Variants in NFKB2 observed in about 807,000 individuals in gnomAD.
NFKB2 encodes nuclear factor kappa B subunit 2.
Under a neutral mutation model 109.3 loss-of-function variants are expected in NFKB2, and 21 were observed. The observed-to-expected ratio is 0.19, with a 90% confidence interval of 0.14 to 0.28. The LOEUF (loss-of-function observed/expected upper bound fraction) is 0.28, where lower values mean the gene tolerates loss of function less well. Among genes scored for constraint, NFKB2 ranks in the 10% least tolerant of loss-of-function variants. The probability of loss-of-function intolerance (pLI) is 1.00; values close to 1 mark genes in which losing one functional copy is unlikely to be tolerated. For synonymous variants in NFKB2, 478 were observed against 489.9 expected, an observed-to-expected ratio of 0.98 and a Z score of 0.32; for missense variants, 806 against 1,185.3, an observed-to-expected ratio of 0.68 and a Z score of 4.70.
Position 102,400,889 on chromosome 10 carries a change from G to C in NFKB2, c.1969-58G>C, listed in dbSNP as rs1028873745. 4.4e-6 allele frequency: 7 copies of C among 1,583,008 alleles called. No individual in the cohort carries two copies. The African/African-American group carries it at 5.4e-5, about 12-fold the overall frequency. On this transcript the variant is annotated intron_variant, in intron 17 of 22. Coordinates refer to ENST00000661543, the MANE Select transcript of NFKB2 (RefSeq NM_001322934.2). The surrounding 1 kb of genome is among the most constrained non-coding windows in gnomAD (Gnocchi z 6.3). ...GTGGAGGGGCCAAAGATGGTGAAGG[G>C]GGGGGCTGGCCAAGGGGACCATGCT...
In NFKB2 at chr10:102,396,002, T is replaced by G. The variant is rs200305301; in HGVS notation, c.21+22T>G. 1.2e-4 allele frequency: 192 copies of G among 1,611,916 alleles called. No homozygotes were observed. The highest frequency in any genetic ancestry group is 1.6e-4 in the Non-Finnish European group (184 of 1,179,958). ...CCCAGTGAGTCATGCCGCCTGCCCC[T>G]GACCCGGCCGGCTGCCCCTCGTGTC... On this transcript the variant is annotated intron_variant, in intron 2 of 22. Transcript: ENST00000661543. This position sits in a 1 kb window ranked among gnomAD's most constrained non-coding sequence, Gnocchi z 5.9.
rs1467675377 is a variant in NFKB2 at position 102,396,235 on chromosome 10, A to G, written c.22-18A>G. ...GTGCTGAGAGTCGGATGCCACCCCC[A>G]GTCTGTCTCCAAACCAGGGTCTGGA... On this transcript the variant is annotated intron_variant, in intron 2 of 22. Coordinates refer to ENST00000661543, the MANE Select transcript of NFKB2 (RefSeq NM_001322934.2). This position sits in a 1 kb window ranked among gnomAD's most constrained non-coding sequence, Gnocchi z 5.9. 1 of 1,597,950 alleles carries G rather than the reference A, an allele frequency of 6.3e-7. No homozygotes were observed. Among genetic ancestry groups the G allele is most frequent in the African/African-American group, 1.3e-5 (1 of 74,670 alleles).
At position 102,400,738 on chromosome 10, in the gene NFKB2, G is replaced by T. The variant is rs778148267; in HGVS notation, c.1882G>T (p.Ala628Ser). ...GGTGGACAGTGGGGCTGAAGTGGAG[G>T]CCACAGAGCGGCAGGGGGGACGAAC... ...LLVDSGAEVEATERQGGRTAL... is the reference protein window; with the variant it reads ...LLVDSGAEVESTERQGGRTAL... Residue 628 changes from alanine to serine, a missense_variant, in exon 17 of 23, where the codon GCC (alanine) becomes TCC (serine). Coordinates refer to ENST00000661543, the MANE Select transcript of NFKB2 (RefSeq NM_001322934.2). This position sits in a 1 kb window ranked among gnomAD's most constrained non-coding sequence, Gnocchi z 6.3. 4.3e-6 allele frequency: 7 copies of T among 1,613,840 alleles called. No homozygotes were observed. Among genetic ancestry groups the T allele is most frequent in the Non-Finnish European group, 5.1e-6 (6 of 1,179,872 alleles).
upstream of NFKB2, chr10:102,394,327 G>A (rs1448511218): frequency 6.6e-6 from 1 of 152,284 alleles, no homozygotes; most frequent in Non-Finnish European, 1.5e-5. Context: ...CGCGCCTGGT[G>A]TCCTGTCACC....
chr10:102,396,499 C>A lies in NFKB2; in HGVS notation c.144+10C>A. 1 of 1,613,804 alleles carries A rather than the reference C, an allele frequency of 6.2e-7. No individual in the cohort carries two copies. The highest frequency in any genetic ancestry group is 8.5e-7 in the Non-Finnish European group (1 of 1,179,990). The stretch of plus-strand genomic sequence containing the variant: ...GGAACAGCCTAAGCAGGTGAGTGAG[C>A]AAAAGGGAGGGTGTGGAATGGCTTC... On this transcript the variant is annotated intron_variant, in intron 4 of 22. Coordinates refer to ENST00000661543, the MANE Select transcript of NFKB2 (RefSeq NM_001322934.2). This position sits in a 1 kb window ranked among gnomAD's most constrained non-coding sequence, Gnocchi z 5.9.
At chr10:102,395,827 T>TCC in intron 1 of NFKB2, 31 bp downstream of exon 1, 1 of 38,550 alleles carries the variant, frequency 2.6e-5, no homozygotes, top group South Asian at 6.9e-4. Context: ...TGGGCCCCCA[T>TCC]CTCCCGCCCA....
At chr10:102,394,595 G>T (rs1449779633), upstream of NFKB2, 1 of 152,726 alleles carries the variant, frequency 6.5e-6, no homozygotes, top group Non-Finnish European at 1.5e-5. Flanking sequence ...CAGAGCCGCC[G>T]CCACGGTGAG....
rs1008676146 is a variant in NFKB2, at chr10:102,400,886, AGG to A, written c.1969-54_1969-53del. The A allele has an allele frequency of 9.2e-6, 14 of 1,521,756 alleles. No individual in the cohort carries two copies. In the African/African-American group the frequency reaches 1.6e-4, roughly 17 times the overall value. 94.3% of individuals were successfully genotyped at this position (1,521,756 alleles called of 1,614,324 possible). ...GTGGTGGAGGGGCCAAAGATGGTGAAGGGGGGGGCTGGCCAAGGGGACCATGC... is the reference window on the plus strand; with the variant it reads ...GTGGTGGAGGGGCCAAAGATGGTGAAGGGGGGCTGGCCAAGGGGACCATGC... On this transcript the variant is annotated intron_variant, in intron 17 of 22. Transcript: ENST00000661543. The surrounding 1 kb of genome is among the most constrained non-coding windows in gnomAD (Gnocchi z 6.3).
rs1474074009 is a variant in NFKB2, at chr10:102,399,296, C to T, written c.1126C>T (p.Leu376Phe). 6.3e-7 allele frequency: 1 copy of T among 1,597,542 alleles called. No homozygotes were observed. Residue 376 changes from leucine (L) to phenylalanine (F), a missense_variant, in exon 13 of 23, where the codon CTC (leucine) becomes TTC (phenylalanine). Physicochemically the swap from Leu to Phe is conservative, Grantham distance 22. Coordinates refer to ENST00000661543, the MANE Select transcript of NFKB2 (RefSeq NM_001322934.2). ...GYGGAGGGGS[L>F]GFFPSSLAYS... ...CCTGCCTGTATCCACAGGTGGCAGC[C>T]TCGGTTTCTTCCCCTCCTCCCTGGC...
rs2061216694 is a variant in NFKB2 at position 102,400,598 on chromosome 10, T to C, written c.1799-57T>C. The C allele has an allele frequency of 1.2e-6, 2 of 1,605,758 alleles. No homozygotes were observed. The highest frequency in any genetic ancestry group is 1.7e-4 in the Middle Eastern group (1 of 6,040). ...GGTGTCGAGATTGAATGGTCAGGGC[T>C]GGTCCAGGGGCTGCCTTAAGGGTCA... On this transcript the variant is annotated intron_variant, in intron 16 of 22. Coordinates refer to ENST00000661543, the MANE Select transcript of NFKB2 (RefSeq NM_001322934.2). This position sits in a 1 kb window ranked among gnomAD's most constrained non-coding sequence, Gnocchi z 6.3.
Position 102,400,577 on chromosome 10 carries a change from T to A in NFKB2, c.1799-78T>A. 6.3e-7 allele frequency: 1 copy of A among 1,598,290 alleles called. No homozygotes were observed. The highest frequency in any genetic ancestry group is 8.5e-7 in the Non-Finnish European group (1 of 1,170,412). On this transcript the variant is annotated intron_variant, in intron 16 of 22. Coordinates refer to ENST00000661543, the MANE Select transcript of NFKB2 (RefSeq NM_001322934.2). This position sits in a 1 kb window ranked among gnomAD's most constrained non-coding sequence, Gnocchi z 6.3. ...AGTGCCCAGAATGGACTATGAGGTGTCGAGATTGAATGGTCAGGGCTGGTC... is the reference window on the plus strand; with the variant it reads ...AGTGCCCAGAATGGACTATGAGGTGACGAGATTGAATGGTCAGGGCTGGTC...
chr10:102,399,642 G>A lies in NFKB2; in HGVS notation c.1393G>A (p.Gly465Ser), dbSNP rs1490746115. ...QRSARALLDY[G>S]VTADARALLA... ...CAGCGCCCGAGCCCTACTCGACTAC[G>A]GCGTCACCGCGGACGCGCGCGCGCT... The change falls in exon 14 of 23, where the codon GGC (glycine) becomes AGC (serine). Residue 465 changes from glycine to serine, a missense_variant. Coordinates refer to ENST00000661543, the MANE Select transcript of NFKB2 (RefSeq NM_001322934.2). The A allele has an allele frequency of 6.5e-7, 1 of 1,539,582 alleles. No individual in the cohort carries two copies. Among genetic ancestry groups the A allele is most frequent in the Non-Finnish European group, 8.8e-7 (1 of 1,142,148 alleles).
chr10:102,395,518 T>G (rs1016461395), upstream of NFKB2, among the ~76,000 whole-genome samples: 3 of 151,996 alleles, frequency 2.0e-5, no homozygotes, highest in African/African-American at 7.2e-5. Flanking sequence ...GGAGGGGGCT[T>G]AACCCCCACC....
In NFKB2 at chr10:102,400,442, G is replaced by T; in HGVS notation, c.1749G>T (p.Gln583His). 1.2e-6 allele frequency: 2 copies of T among 1,612,536 alleles called. No homozygotes were observed. Among genetic ancestry groups the T allele is most frequent in the East Asian group, 2.2e-5 (1 of 44,880 alleles). ...GAPELLRALL[Q>H]SGAPAVPQLL... ...CTGAGCTGCTGCGTGCACTGCTTCA[G>T]AGTGGAGCTCCTGCTGTGCCCCAGC... Residue 583 changes from glutamine to histidine, a missense_variant, in exon 16 of 23, where the codon CAG becomes CAT. This residue lies in a region of NFKB2 where 163 missense variants were observed against 207.1 expected (regional missense o/e 0.79). Transcript: ENST00000661543. The surrounding 1 kb of genome is among the most constrained non-coding windows in gnomAD (Gnocchi z 6.3).
In NFKB2 at chr10:102,395,725, G is replaced by C. The variant is rs1369275629; in HGVS notation, c.-144G>C. ...GCTCTAACTTTCCTGCCCCTTCCCC[G>C]GCCAAGCCCAACTCCGGATCTCGCT... On this transcript the variant is annotated 5_prime_UTR_variant, in exon 1 of 23. Coordinates refer to ENST00000661543, the MANE Select transcript of NFKB2 (RefSeq NM_001322934.2). 1.7e-6 allele frequency: 1 copy of C among 591,270 alleles called. No homozygotes were observed. The highest frequency in any genetic ancestry group is 2.0e-5 in the South Asian group (1 of 49,824). 36.6% of individuals were successfully genotyped at this position (591,270 alleles called of 1,614,324 possible).
chr10:102,400,692 C>T lies in NFKB2; in HGVS notation c.1836C>T (p.Ser612=). 1.2e-6 allele frequency: 2 copies of T among 1,614,040 alleles called. No homozygotes were observed. Among genetic ancestry groups the T allele is most frequent in the Non-Finnish European group, 1.7e-6 (2 of 1,179,976 alleles). ...YPVHLAVRAR[S]PECLDLLVDS... is the part of the protein sequence containing the mutation. ...TACACCTGGCAGTCCGAGCCCGAAG[C>T]CCTGAGTGCCTGGATCTGCTGGTGG... Residue 612 remains serine, a synonymous_variant, in exon 17 of 23, where the codon AGC becomes AGT. Transcript: ENST00000661543. The surrounding 1 kb of genome is among the most constrained non-coding windows in gnomAD (Gnocchi z 6.3).
intron 12 of NFKB2, 178 bp from the exon 13 acceptor site, chr10:102,399,110 G>A: frequency 2.7e-6 from 2 of 743,516 alleles, no homozygotes; most frequent in East Asian, 5.4e-5. Context: ...CTACTCGGGA[G>A]GCTGAGGCAG....
rs367924721 is a variant in NFKB2 at position 102,401,961 on chromosome 10, G to T, written c.2466+44G>T. ...TGCCCCCTCCCCAGCCTCCTTTCCC[G>T]ATCTGAGTCCAGGTGCCTCCTTGGC... On this transcript the variant is annotated intron_variant, in intron 21 of 22. Transcript: ENST00000661543. The surrounding 1 kb of genome is among the most constrained non-coding windows in gnomAD (Gnocchi z 4.2). 11 of 1,595,416 alleles carry T rather than the reference G, an allele frequency of 6.9e-6. No individual in the cohort carries two copies. The highest frequency in any genetic ancestry group is 1.7e-4 in the Middle Eastern group (1 of 6,034).
At position 102,401,851 on chromosome 10, in the gene NFKB2, G is replaced by A; in HGVS notation, c.2400G>A (p.Leu800=). 6.2e-7 allele frequency: 1 copy of A among 1,613,942 alleles called. No individual in the cohort carries two copies. Among genetic ancestry groups the A allele is most frequent in the African/African-American group, 1.3e-5 (1 of 75,060 alleles). The change falls in exon 21 of 23, where the codon CTG becomes CTA. Residue 800 remains leucine, a synonymous_variant. Transcript: ENST00000661543. This position sits in a 1 kb window ranked among gnomAD's most constrained non-coding sequence, Gnocchi z 4.2. The part of the protein sequence containing the change: ...SWAELAERLG[L]RSLVDTYRQT... ...CAGAGCTGGCAGAGCGTCTGGGGCTGCGCAGCCTGGTAGACACGTACCGAC... is the reference window on the plus strand; with the variant it reads ...CAGAGCTGGCAGAGCGTCTGGGGCTACGCAGCCTGGTAGACACGTACCGAC...
Sources: allele counts gnomAD v4.1 joint callset (sites outside exome capture counted in the v4.1 genomes callset), GRCh38; gene constraint gnomAD v4.1.1; regional missense constraint gnomAD v4.1.1; non-coding constraint Gnocchi (gnomAD v3.1); transcripts MANE v1.5; gene names NCBI Gene and HGNC (gene_info 2026-07-23, HGNC 2026-07-21).